The following APC variants were observed in gnomAD, a reference collection of about 807,000 sequenced individuals.
The protein encoded by APC is adenomatous polyposis coli protein.
A neutral mutation model predicts 247.0 loss-of-function variants in APC; 72 were observed. The ratio of observed to expected loss-of-function variants is 0.29; its 90% CI spans 0.24 to 0.35. The LOEUF (loss-of-function observed/expected upper bound fraction) is 0.35. Among genes scored for constraint, APC ranks in the 10% least tolerant of loss-of-function variants. The pLI, the probability that APC is intolerant of heterozygous loss-of-function variation, is 1.00. For synonymous variants in APC, 1,254 were observed against 1,162.5 expected, an observed-to-expected ratio of 1.08 and a Z score of -1.60; for missense variants, 3,400 against 3,360.7, an observed-to-expected ratio of 1.01 and a Z score of -0.29.
chr5:112,717,387 T>G (rs773948103), intron 1 of APC, among the ~76,000 whole-genome samples: 5 of 152,246 alleles, frequency 3.3e-5, no homozygotes, highest in Non-Finnish European at 7.3e-5. Flanking sequence ...GCCAATATTT[T>G]ATTTAAGTTA....
chr5:112,800,231 T>C (rs1760668490), intron 7 of APC, among the ~76,000 whole-genome samples: 1 of 152,200 alleles, frequency 6.6e-6, no homozygotes, highest in Non-Finnish European at 1.5e-5. Flanking sequence ...TAGTGTCAAA[T>C]CTTTGTGGTC....
intron 8 of APC, among the ~76,000 whole-genome samples, chr5:112,809,870 G>A (rs999263843): frequency 6.6e-6 from 1 of 152,150 alleles, no homozygotes; most frequent in Non-Finnish European, 1.5e-5. Flanking sequence ...GGCAGCGCGT[G>A]CCTGTAATCC....
In APC at chr5:112,827,926, C is replaced by T. The variant is rs1188933026; in HGVS notation, c.1549-3C>T. The T allele has an allele frequency of 3.1e-6, 5 of 1,612,436 alleles. No individual in the cohort carries two copies. The highest frequency in any genetic ancestry group is 4.5e-5 in the East Asian group (2 of 44,856). On this transcript the variant is annotated splice_polypyrimidine_tract_variant and splice_region_variant and intron_variant, in intron 12 of 15. Coordinates refer to ENST00000257430, the MANE Select transcript of APC (RefSeq NM_000038.6). ...GATCCTCTATTCTGTATTTAATTTA[C>T]AGGCTACGCTATGCTCTATGAAAGG...
At chr5:112,823,048 A>C (rs1261878505) in intron 11 of APC, among the ~76,000 whole-genome samples, 3 of 152,190 alleles carry the variant, frequency 2.0e-5, no homozygotes, top group Non-Finnish European at 4.4e-5. Context: ...GTGGATTCTC[A>C]GTTAATCTTA....
intron 1 of APC, among the ~76,000 whole-genome samples, chr5:112,726,645 G>A (rs749003390): frequency 1.3e-5 from 2 of 152,022 alleles, no homozygotes; most frequent in Non-Finnish European, 2.9e-5. Flanking sequence ...CTTGGAGGTG[G>A]GGCCTTTGCT....
chr5:112,791,793 CTT>C (rs1270867404), intron 6 of APC, among the ~76,000 whole-genome samples: 14 of 152,098 alleles, frequency 9.2e-5, no homozygotes, highest in Admixed American at 5.9e-4. Flanking sequence ...GTAATTTTCT[CTT>C]TGTTGAAATA....
At chr5:112,781,602 T>C (rs1010065920) in intron 6 of APC, among the ~76,000 whole-genome samples, 5 of 152,250 alleles carry the variant, frequency 3.3e-5, no homozygotes, top group Non-Finnish European at 7.4e-5. Flanking sequence ...TAAGTAAATA[T>C]AGCAAATAAA....
At chr5:112,772,799 G>A (rs190780532) in intron 4 of APC, among the ~76,000 whole-genome samples, 3 of 152,276 alleles carry the variant, frequency 2.0e-5, no homozygotes, top group Admixed American at 2.0e-4. Context: ...TTACAGGCGT[G>A]ACCCGCCGTG....
chr5:112,759,005 A>G (rs932489394), intron 2 of APC, among the ~76,000 whole-genome samples: 1 of 152,202 alleles, frequency 6.6e-6, no homozygotes, highest in Admixed American at 6.5e-5. Context: ...TGTAGGAAGA[A>G]TTATCTATAG....
intron 7 of APC, among the ~76,000 whole-genome samples, chr5:112,799,195 A>AAT (rs1554075770): frequency 6.6e-6 from 1 of 151,542 alleles, no homozygotes; most frequent in East Asian, 1.9e-4. Flanking sequence ...AAAAAAAAAA[A>AAT]AAAAAAAAAG....
At chr5:112,780,998 A>T in intron 6 of APC, 95 bp downstream of exon 6, 2 of 861,080 alleles carry the variant, frequency 2.3e-6, no homozygotes, top group Non-Finnish European at 3.8e-6. Flanking sequence ...TTTATTAAAG[A>T]CATAAGGCTG....
At chr5:112,783,630 CAAAA>C (rs563801773) in intron 6 of APC, 84 of 80,610 alleles carry the variant, frequency 1.0e-3, no homozygotes, top group South Asian at 4.1e-3. Context: ...CTGCCTCTAC[CAAAA>C]AAAAAAAAAA....
chr5:112,763,602 G>A (rs953266655), intron 2 of APC, among the ~76,000 whole-genome samples: 1 of 151,998 alleles, frequency 6.6e-6, no homozygotes, highest in African/African-American at 2.4e-5. Flanking sequence ...TATGTCCAAT[G>A]ATGTACGAAG....
chr5:112,754,831 A>G, intron 1 of APC, 42 bp from the exon 2 acceptor site: 1 of 1,603,852 alleles, frequency 6.2e-7, no homozygotes, highest in South Asian at 1.1e-5. Context: ...CAGCCACTAA[A>G]TTTTTTAGTA....
chr5:112,791,528 G>C (rs1007384686), intron 6 of APC, among the ~76,000 whole-genome samples: 4 of 152,152 alleles, frequency 2.6e-5, no homozygotes, highest in African/African-American at 4.8e-5. Context: ...AGGGATCTAG[G>C]TTGCGGGCTC....
chr5:112,818,834 GT>G lies in APC; in HGVS notation c.934-122del, dbSNP rs1318114007. ...TCCTGGAAAGGTTTTCCGGTTTTTT[GT>G]TTTTTTTTTGGCGGGGGGGGTTGTT... is the stretch of plus-strand genomic sequence containing the variant. On this transcript the variant is annotated intron_variant, in intron 9 of 15. Coordinates refer to ENST00000257430, the MANE Select transcript of APC (RefSeq NM_000038.6). 694 of 312,040 alleles carry G rather than the reference GT, an allele frequency of 2.2e-3. 1 individual carries two copies. The highest frequency in any genetic ancestry group is 2.6e-3 in the Non-Finnish European group (520 of 199,458). The allele number at this position is 312,040 out of a possible 1,614,324, so 19.3% of individuals were successfully genotyped here.
intron 14 of APC, among the ~76,000 whole-genome samples, chr5:112,833,228 GC>G (rs1259065380): frequency 6.7e-6 from 1 of 148,796 alleles, no homozygotes; most frequent in Non-Finnish European, 1.5e-5. Context: ...TGTCACCTAG[GC>G]TGGAGTATAG....
At chr5:112,743,401 C>T (rs1040309957) in intron 1 of APC, among the ~76,000 whole-genome samples, 2 of 149,524 alleles carry the variant, frequency 1.3e-5, no homozygotes, top group Non-Finnish European at 3.0e-5. Context: ...CATACACAGG[C>T]ATACTCATCT....
At chr5:112,746,452 T>C (rs940579706) in intron 1 of APC, among the ~76,000 whole-genome samples, 1 of 152,164 alleles carries the variant, frequency 6.6e-6, no homozygotes, top group Non-Finnish European at 1.5e-5. Flanking sequence ...ATACATTTTC[T>C]CTTTAAAAAT....
Sources: gnomAD v4.1 joint callset for allele counts (sites outside exome capture counted in the v4.1 genomes callset) on GRCh38, gnomAD v4.1.1 for gene constraint, MANE v1.5 for transcripts, NCBI Gene and HGNC (gene_info 2026-07-23, HGNC 2026-07-21) for gene names.